ATXN2: variants seen among roughly 807,000 people sequenced by gnomAD.
The protein encoded by ATXN2 is ataxin-2.
Under a neutral mutation model 138.6 loss-of-function variants are expected in ATXN2, and 37 were observed. That is an observed-to-expected ratio of 0.27 (90% CI 0.21 to 0.35). The LOEUF is 0.35. Among genes scored for constraint, ATXN2 ranks in the 10% least tolerant of loss-of-function variants. ATXN2 has a pLI of 1.00. For synonymous variants in ATXN2, 549 were observed against 543.7 expected (o/e 1.01, Z -0.13); for missense variants, 1,216 against 1,480.3 (o/e 0.82, Z 2.93).
intron 10 of ATXN2, among the ~76,000 whole-genome samples, chr12:111,514,470 G>A (rs1194428376): frequency 6.6e-6 from 1 of 152,074 alleles, no homozygotes; most frequent in Non-Finnish European, 1.5e-5. Context: ...TCTCTCACCC[G>A]GCTGCCAAAC....
intron 1 of ATXN2, among the ~76,000 whole-genome samples, chr12:111,573,118 G>GT (rs1397892718): frequency 3.3e-5 from 5 of 151,666 alleles, no homozygotes; most frequent in African/African-American, 7.2e-5. Context: ...ACTAAAGCAT[G>GT]GTTGATTGAA....
At chr12:111,482,409 T>C (rs1450022211) in intron 18 of ATXN2, among the ~76,000 whole-genome samples, 2 of 151,942 alleles carry the variant, frequency 1.3e-5, no homozygotes, top group East Asian at 2.0e-4. Flanking sequence ...TTAGCCAGGA[T>C]GGTCTTGATC....
intron 9 of ATXN2, among the ~76,000 whole-genome samples, chr12:111,518,003 T>C (rs1287243537): frequency 3.3e-5 from 5 of 152,212 alleles, no homozygotes; most frequent in African/African-American, 1.2e-4. Flanking sequence ...GGGTTAAATG[T>C]AGCACTTTAT....
rs559068103 is a variant in ATXN2 at position 111,512,451 on chromosome 12, CT to C, written c.1558+905del. On this transcript the variant is annotated intron_variant, in intron 11 of 24. Coordinates refer to ENST00000673436, the MANE Select transcript of ATXN2 (RefSeq NM_001372574.1). ...ATCATGTCAACGTCTAGTTTTTAAA[CT>C]TTTTTTTTTTTTTTTTTTTTGAGAC... is the stretch of plus-strand genomic sequence containing the variant. 550 of 120,134 alleles carry C rather than the reference CT, an allele frequency of 4.6e-3. 2 individuals carry two copies. The highest frequency in any genetic ancestry group is 0.012 in the African/African-American group (366 of 29,688). The allele number at this position is 120,134 out of a possible 1,614,324, so 7.4% of individuals were successfully genotyped here.
At chr12:111,479,769 T>C (rs1179790995) in intron 18 of ATXN2, among the ~76,000 whole-genome samples, 1 of 151,742 alleles carries the variant, frequency 6.6e-6, no homozygotes, top group Non-Finnish European at 1.5e-5. Context: ...ATTTTATGTG[T>C]GGCCCAACAC....
chr12:111,518,915 T>G (rs780456605), intron 8 of ATXN2, among the ~76,000 whole-genome samples: 40 of 152,156 alleles, frequency 2.6e-4, no homozygotes, highest in Non-Finnish European at 5.0e-4. Flanking sequence ...TGACTGCCTT[T>G]AAGAGAGGAT....
intron 1 of ATXN2, among the ~76,000 whole-genome samples, chr12:111,595,302 A>G (rs950128221): frequency 2.0e-5 from 3 of 152,364 alleles, no homozygotes; most frequent in Admixed American, 2.0e-4. Flanking sequence ...ACCACTATCT[A>G]TAACAAAAAA....
chr12:111,471,905 G>C (rs1370243772), intron 18 of ATXN2: 6 of 151,980 alleles, frequency 3.9e-5, no homozygotes, highest in Non-Finnish European at 2.9e-5. Flanking sequence ...TAAAAAGCTA[G>C]TCAAGTATAC....
At chr12:111,538,542 G>A (rs1881321373) in intron 5 of ATXN2, among the ~76,000 whole-genome samples, 1 of 133,380 alleles carries the variant, frequency 7.5e-6, no homozygotes, top group South Asian at 2.3e-4. Context: ...TTGTAGAAAC[G>A]GGGTTCCACC....
intron 1 of ATXN2, among the ~76,000 whole-genome samples, chr12:111,592,782 CAAAAAAA>C (rs71083183): frequency 1.9e-4 from 5 of 26,034 alleles, no homozygotes; most frequent in South Asian, 2.0e-3. Context: ...GACTCCGTCT[CAAAAAAA>C]AAAAAAAAAA....
chr12:111,540,356 T>C (rs1266832257), intron 5 of ATXN2, among the ~76,000 whole-genome samples: 1 of 150,578 alleles, frequency 6.6e-6, no homozygotes, highest in Non-Finnish European at 1.5e-5. Flanking sequence ...TTACCTATTC[T>C]TTACCTAATA....
chr12:111,504,157 A>T (rs1049117320), intron 14 of ATXN2, among the ~76,000 whole-genome samples: 1 of 152,240 alleles, frequency 6.6e-6, no homozygotes, highest in Non-Finnish European at 1.5e-5. Flanking sequence ...CAGTAACTCT[A>T]ATCAAGACAG....
chr12:111,595,223 C>A (rs1030891554), intron 1 of ATXN2, among the ~76,000 whole-genome samples: 2 of 152,256 alleles, frequency 1.3e-5, no homozygotes, highest in Non-Finnish European at 2.9e-5. Flanking sequence ...CTAGTAAAAC[C>A]ACTCTTGGTA....
chr12:111,507,478 G>A (rs1002764702), intron 14 of ATXN2, among the ~76,000 whole-genome samples: 1 of 151,434 alleles, frequency 6.6e-6, no homozygotes, highest in Non-Finnish European at 1.5e-5. Flanking sequence ...CAGCCAACCC[G>A]TCCGGGAGGG....
intron 14 of ATXN2, among the ~76,000 whole-genome samples, chr12:111,497,228 A>G (rs561807563): frequency 1.3e-5 from 2 of 152,344 alleles, no homozygotes; most frequent in Admixed American, 6.5e-5. Flanking sequence ...GATCAAAGCT[A>G]TAAGAAATAG....
chr12:111,594,376 T>C (rs1333919781), intron 1 of ATXN2, among the ~76,000 whole-genome samples: 5 of 151,912 alleles, frequency 3.3e-5, no homozygotes, highest in Admixed American at 6.6e-5. Context: ...TCTCACTCTG[T>C]CTCCCAGGCT....
At chr12:111,464,335 TTGTGTGTG>T (rs375641693) in intron 21 of ATXN2, among the ~76,000 whole-genome samples, 11 of 105,784 alleles carry the variant, frequency 1.0e-4, no homozygotes, top group Non-Finnish European at 1.9e-4. Context: ...GTGTGTGTGT[TTGTGTGTG>T]TGTGTGTGTG....
At chr12:111,491,293 C>T (rs968061163) in intron 14 of ATXN2, among the ~76,000 whole-genome samples, 2 of 152,110 alleles carry the variant, frequency 1.3e-5, no homozygotes, top group Non-Finnish European at 2.9e-5. Flanking sequence ...AGCCCCACCA[C>T]CGTGGGTAAA....
At chr12:111,579,856 T>C (rs1883894401) in intron 1 of ATXN2, among the ~76,000 whole-genome samples, 1 of 151,682 alleles carries the variant, frequency 6.6e-6, no homozygotes, top group Non-Finnish European at 1.5e-5. Flanking sequence ...CGCGCCACCG[T>C]GCCTGGCTAA....
Sources: gnomAD v4.1 joint callset for allele counts (sites outside exome capture counted in the v4.1 genomes callset) on GRCh38, gnomAD v4.1.1 for gene constraint, MANE v1.5 for transcripts, NCBI Gene and HGNC (gene_info 2026-07-23, HGNC 2026-07-21) for gene names.